The following R3HDM1 variants were observed in gnomAD, a reference collection of about 807,000 sequenced individuals.
R3HDM1 encodes R3H domain-containing protein 1.
A neutral mutation model predicts 141.1 loss-of-function variants in R3HDM1; 46 were observed. The observed-to-expected ratio is 0.33, with a 90% confidence interval of 0.26 to 0.42. The LOEUF is 0.42. Among genes scored for constraint, R3HDM1 ranks in the 10% least tolerant of loss-of-function variants. The pLI, the probability that R3HDM1 is intolerant of heterozygous loss-of-function variation, is 1.00. For synonymous variants in R3HDM1, 435 were observed against 472.9 expected, an observed-to-expected ratio of 0.92 and a Z score of 1.04; for missense variants, 1,184 against 1,368.3, an observed-to-expected ratio of 0.87 and a Z score of 2.12.
chr2:135,554,213 T>C (rs898431695), intron 1 of R3HDM1, among the ~76,000 whole-genome samples: 6 of 152,234 alleles, frequency 3.9e-5, no homozygotes, highest in African/African-American at 1.4e-4. Flanking sequence ...ACCACTACTT[T>C]TCTGTCTCTA....
At chr2:135,720,152 A>G (rs2076566530) in intron 24 of R3HDM1, among the ~76,000 whole-genome samples, 1 of 152,090 alleles carries the variant, frequency 6.6e-6, no homozygotes, top group Admixed American at 6.6e-5. Flanking sequence ...CTTCACAACT[A>G]TTTTTTATAC....
chr2:135,722,109 G>A (rs2076754104), intron 25 of R3HDM1, 103 bp downstream of exon 25: 1 of 1,106,714 alleles, frequency 9.0e-7, no homozygotes, highest in Admixed American at 1.9e-5. Context: ...TGCCCAAGAA[G>A]AGCTCTGTGC....
chr2:135,637,554 A>G (rs1247881998), intron 11 of R3HDM1, among the ~76,000 whole-genome samples: 1 of 152,158 alleles, frequency 6.6e-6, no homozygotes, highest in Non-Finnish European at 1.5e-5. Context: ...AGGCTGAGAC[A>G]GGAGGATCTC....
chr2:135,668,369 T>C (rs1407102456), intron 19 of R3HDM1, among the ~76,000 whole-genome samples: 1 of 152,234 alleles, frequency 6.6e-6, no homozygotes, highest in Non-Finnish European at 1.5e-5. Context: ...TTCAAAATTA[T>C]ATACTTTTTA....
intron 21 of R3HDM1, among the ~76,000 whole-genome samples, chr2:135,705,261 G>T (rs2028239): frequency 0.97 from 147,867 of 152,348 alleles, 71,897 homozygotes; most frequent in Middle Eastern, 1. Flanking sequence ...AAGTGCTAAT[G>T]GCATGTTTGT....
intron 3 of R3HDM1, among the ~76,000 whole-genome samples, chr2:135,607,616 A>C (rs1259643413): frequency 6.6e-6 from 1 of 152,270 alleles, no homozygotes; most frequent in African/African-American, 2.4e-5. Flanking sequence ...TGTGATTGAA[A>C]TAATAAAATA....
rs751675433 is a variant in R3HDM1 at position 135,651,939 on chromosome 2, G to T, written c.1935G>T (p.Gln645His). ...PPPPPPLPPG[Q>H]PVPTAGYPAS... ...CTCCTCCTCCCCTACCACCTGGGCA[G>T]CCAGTCCCTACTGCTGGATATCCTG... The change falls in exon 18 of 27, where the codon CAG becomes CAT. Residue 645 changes from glutamine (Q) to histidine (H), a missense_variant. Gln to His is a conservative substitution (Grantham distance 24). Coordinates refer to ENST00000683871, the MANE Select transcript of R3HDM1 (RefSeq NM_001378107.1). 6.2e-7 allele frequency: 1 copy of T among 1,613,692 alleles called. No homozygotes were observed. The highest frequency in any genetic ancestry group is 1.1e-5 in the South Asian group (1 of 91,030).
At chr2:135,694,258 C>T (rs1006738785) in intron 21 of R3HDM1, among the ~76,000 whole-genome samples, 1 of 152,160 alleles carries the variant, frequency 6.6e-6, no homozygotes, top group Non-Finnish European at 1.5e-5. Context: ...AACAAGCAGT[C>T]CCCTGAGATA....
At chr2:135,612,613 T>C (rs1262162306) in intron 3 of R3HDM1, among the ~76,000 whole-genome samples, 1 of 152,196 alleles carries the variant, frequency 6.6e-6, no homozygotes, top group Non-Finnish European at 1.5e-5. Flanking sequence ...TGTCTTATAC[T>C]TCAGTATAAA....
intron 1 of R3HDM1, chr2:135,533,923 C>T (rs1462988898): frequency 1.2e-6 from 1 of 850,312 alleles, no homozygotes; most frequent in African/African-American, 1.8e-5. Flanking sequence ...AATCCCCTAG[C>T]ATTGTGCCTG....
chr2:135,590,717 G>A, intron 1 of R3HDM1: 1 of 985,328 alleles, frequency 1.0e-6, no homozygotes, highest in Non-Finnish European at 1.2e-6. Flanking sequence ...GTTCACCCAT[G>A]CCCAGCAGCA....
intron 1 of R3HDM1, among the ~76,000 whole-genome samples, chr2:135,550,540 T>C (rs980214521): frequency 6.6e-6 from 1 of 152,212 alleles, no homozygotes; most frequent in African/African-American, 2.4e-5. Context: ...GTGGCATTTG[T>C]GAAAATGCTT....
At chr2:135,606,444 C>G (rs1477804008) in intron 3 of R3HDM1, 1 of 151,914 alleles carries the variant, frequency 6.6e-6, no homozygotes, top group African/African-American at 2.4e-5. Flanking sequence ...AATTTGTAGC[C>G]ACCTTTAAGC....
At chr2:135,680,119 T>G in intron 20 of R3HDM1, 54 bp from the exon 21 acceptor site, 1 of 1,531,442 alleles carries the variant, frequency 6.5e-7, no homozygotes, top group Non-Finnish European at 9.0e-7. Context: ...ACATAAACAT[T>G]TACAAGGCCT....
At chr2:135,625,850 A>G (rs1329033982) in intron 7 of R3HDM1, among the ~76,000 whole-genome samples, 1 of 152,194 alleles carries the variant, frequency 6.6e-6, no homozygotes, top group African/African-American at 2.4e-5. Context: ...CAGGAAAAGA[A>G]TGCAAGCTCC....
chr2:135,593,498 A>T (rs1574155859), intron 1 of R3HDM1, among the ~76,000 whole-genome samples: 1 of 152,060 alleles, frequency 6.6e-6, no homozygotes, highest in Admixed American at 6.6e-5. Flanking sequence ...TTAGAATCTC[A>T]CCAGGTTATC....
At chr2:135,717,997 G>A (rs146668482) in intron 24 of R3HDM1, among the ~76,000 whole-genome samples, 104 of 152,202 alleles carry the variant, frequency 6.8e-4, no homozygotes, top group African/African-American at 2.4e-3. Context: ...AGGGTACTAC[G>A]CAACAATAAA....
At chr2:135,650,593 T>C (rs2065045427) in intron 17 of R3HDM1, 1 of 979,568 alleles carries the variant, frequency 1.0e-6, no homozygotes, top group Admixed American at 6.1e-5. Flanking sequence ...GGTACTTCTG[T>C]TAACAATATT....
At chr2:135,565,203 C>G (rs912958937) in intron 1 of R3HDM1, among the ~76,000 whole-genome samples, 3 of 151,988 alleles carry the variant, frequency 2.0e-5, no homozygotes, top group African/African-American at 7.2e-5. Context: ...GGCTTTCATA[C>G]TGGTAAACTG....
Sources: allele counts gnomAD v4.1 joint callset (sites outside exome capture counted in the v4.1 genomes callset), GRCh38; gene constraint gnomAD v4.1.1; transcripts MANE v1.5; gene names NCBI Gene and HGNC (gene_info 2026-07-23, HGNC 2026-07-21).